The following ZXDC variants were observed in gnomAD, a reference collection of about 807,000 sequenced individuals.
ZXDC encodes the protein zinc finger protein ZXDC.
Under a neutral mutation model 63.6 loss-of-function variants are expected in ZXDC, and 58 were observed. That is an observed-to-expected ratio of 0.91 (90% CI 0.74 to 1.13). The LOEUF (loss-of-function observed/expected upper bound fraction) is 1.13, where lower values mean the gene tolerates loss of function less well. ZXDC is among the 50% of genes most tolerant of loss of function. The pLI, the probability that ZXDC is intolerant of heterozygous loss-of-function variation, is 0.00. For missense variants in ZXDC, 1,133 were observed against 1,148.9 expected (o/e 0.99, Z 0.20); for synonymous variants, 561 against 496.1 (o/e 1.13, Z -1.74).
intron 7 of ZXDC, chr3:126,452,373 C>T (rs1426564250): frequency 7.1e-6 from 7 of 985,420 alleles, no homozygotes; most frequent in South Asian, 4.7e-5. Flanking sequence ...CTTCATCCCA[C>T]GTCTGTCAGC....
chr3:126,449,514 GC>G (rs1934012758), intron 7 of ZXDC, among the ~76,000 whole-genome samples: 1 of 152,270 alleles, frequency 6.6e-6, no homozygotes, highest in African/African-American at 2.4e-5. Context: ...CCAGGCTGCT[GC>G]AGGTGGAGCC....
chr3:126,455,283 T>C (rs1180142984), intron 7 of ZXDC, among the ~76,000 whole-genome samples: 1 of 152,224 alleles, frequency 6.6e-6, no homozygotes, highest in Non-Finnish European at 1.5e-5. Context: ...ATGTAGTAAC[T>C]AGTGGTATTA....
chr3:126,471,859 G>C (rs1020306190), intron 3 of ZXDC, 114 bp downstream of exon 3: 3 of 874,696 alleles, frequency 3.4e-6, no homozygotes, highest in African/African-American at 3.4e-5. Context: ...TCAACACTGA[G>C]CTCCTTTTTT....
At chr3:126,452,656 A>G in intron 7 of ZXDC, 6 of 683,352 alleles carry the variant, frequency 8.8e-6, no homozygotes, top group Non-Finnish European at 1.1e-5. Flanking sequence ...AGAATAGTAC[A>G]TTAAATATAT....
intron 7 of ZXDC, chr3:126,458,730 C>A: frequency 1.0e-6 from 1 of 985,420 alleles, no homozygotes; most frequent in Non-Finnish European, 1.2e-6. Context: ...CCTTCATGAA[C>A]TTTCCTTGGT....
intron 7 of ZXDC, among the ~76,000 whole-genome samples, chr3:126,444,270 C>A (rs543849665): frequency 6.6e-6 from 1 of 152,198 alleles, no homozygotes; most frequent in Admixed American, 6.5e-5. Flanking sequence ...CAGTGGCTCA[C>A]GCCTGTAATC....
rs1933690135 is a variant in ZXDC at position 126,441,808 on chromosome 3, C to T, written c.2351G>A (p.Gly784Glu). Residue 784 changes from glycine (G) to glutamate (E), a missense_variant, in exon 8 of 10, where the codon GGG becomes GAG. Transcript: ENST00000389709. Reference sequence around the variant, plus strand: ...GACGCCCTGCGCCCCGCACTGCACCCCAGCTGCTGGAGCTGGTCCTGGCCG... The same window carrying T: ...GACGCCCTGCGCCCCGCACTGCACCTCAGCTGCTGGAGCTGGTCCTGGCCG... ...GGRPGPAPAAGVQCGAQGVQV... is the reference protein window; with the variant it reads ...GGRPGPAPAAEVQCGAQGVQV... 6.2e-7 allele frequency: 1 copy of T among 1,612,888 alleles called. No individual in the cohort carries two copies.
In ZXDC at chr3:126,475,295, G is replaced by T. The variant is rs1297156408; in HGVS notation, c.571C>A (p.Gln191Lys). 1 of 1,549,770 alleles carries T rather than the reference G, an allele frequency of 6.5e-7. No homozygotes were observed. The highest frequency in any genetic ancestry group is 8.7e-7 in the Non-Finnish European group (1 of 1,146,638). Residue 191 changes from glutamine (Q) to lysine (K), a missense_variant, in exon 1 of 10, where the codon CAG becomes AAG. By Grantham distance (53) the Gln-to-Lys change is moderately conservative (BLOSUM62 1). Transcript: ENST00000389709. ...QCALAFAKKHQLKVHLLTHGG... is the reference protein window; with the variant it reads ...QCALAFAKKHKLKVHLLTHGG... The stretch of plus-strand genomic sequence containing the variant: ...TGCGTGAGCAGGTGCACCTTGAGCT[G>T]GTGCTTCTTGGCGAAGGCCAGCGCG...
At chr3:126,458,441 T>G (rs1934396855) in intron 7 of ZXDC, 1 of 241,224 alleles carries the variant, frequency 4.1e-6, no homozygotes, top group Admixed American at 6.5e-5. Flanking sequence ...TTTCACCATG[T>G]TGGCCAGGCT....
intron 6 of ZXDC, 92 bp downstream of exon 6, chr3:126,461,443 G>A (rs918954532): frequency 4.7e-6 from 7 of 1,475,160 alleles, no homozygotes; most frequent in East Asian, 2.4e-5. Flanking sequence ...AACCAGAAAC[G>A]TCTGCATAGA....
intron 7 of ZXDC, among the ~76,000 whole-genome samples, chr3:126,448,968 C>T (rs1043483849): frequency 3.9e-5 from 6 of 152,154 alleles, no homozygotes; most frequent in African/African-American, 1.4e-4. Flanking sequence ...CCTGGGGAGA[C>T]GGGACGGGGC....
Position 126,471,034 on chromosome 3 carries a change from C to G in ZXDC, c.1140-9G>C, listed in dbSNP as rs1560105678. ...GGTCATCGTCATGTTTCCTGCCAGACAGAAAAATAAAGGAGCTGTGATTCC... is the reference window on the plus strand; with the variant it reads ...GGTCATCGTCATGTTTCCTGCCAGAGAGAAAAATAAAGGAGCTGTGATTCC... On this transcript the variant is annotated splice_polypyrimidine_tract_variant and intron_variant, in intron 3 of 9. Coordinates refer to ENST00000389709, the MANE Select transcript of ZXDC (RefSeq NM_025112.5). 1.2e-6 allele frequency: 2 copies of G among 1,612,162 alleles called. No individual in the cohort carries two copies. Among genetic ancestry groups the G allele is most frequent in the Non-Finnish European group, 1.7e-6 (2 of 1,178,532 alleles).
At chr3:126,453,798 G>A (rs1233285937) in intron 7 of ZXDC, 25 of 978,458 alleles carry the variant, frequency 2.6e-5, no homozygotes, top group East Asian at 1.1e-4. Flanking sequence ...GGGTTCAAGC[G>A]ATTCTCCTGC....
chr3:126,454,379 C>T (rs1934230558), intron 7 of ZXDC: 2 of 985,226 alleles, frequency 2.0e-6, no homozygotes, highest in African/African-American at 3.5e-5. Context: ...GTAGGCTACA[C>T]ATGAACAGCA....
chr3:126,457,705 T>C, intron 7 of ZXDC: 1 of 953,892 alleles, frequency 1.0e-6, no homozygotes, highest in Non-Finnish European at 1.2e-6. Context: ...ATGTCCCAGC[T>C]ATAAGTAAGA....
intron 7 of ZXDC, chr3:126,454,192 A>G: frequency 2.4e-5 from 24 of 981,846 alleles, no homozygotes; most frequent in Non-Finnish European, 2.8e-5. Context: ...CCCATTTTAA[A>G]TATCTTTCAT....
intron 5 of ZXDC, 76 bp downstream of exon 5, chr3:126,466,079 G>A (rs1406120074): frequency 4.6e-6 from 7 of 1,515,208 alleles, no homozygotes; most frequent in African/African-American, 1.4e-5. Context: ...AGGTGAAGAA[G>A]GAACAGACGG....
chr3:126,459,991 G>A, intron 6 of ZXDC: 16 of 985,396 alleles, frequency 1.6e-5, no homozygotes, highest in Non-Finnish European at 1.9e-5. Flanking sequence ...CTAAAACATA[G>A]CCAAATATTT....
intron 8 of ZXDC, chr3:126,441,499 G>C: frequency 2.4e-6 from 3 of 1,236,262 alleles, no homozygotes; most frequent in Non-Finnish European, 3.0e-6. Context: ...CTAGACGCAG[G>C]GCTGTGCACA....
Sources: allele counts gnomAD v4.1 joint callset (sites outside exome capture counted in the v4.1 genomes callset), GRCh38; gene constraint gnomAD v4.1.1; transcripts MANE v1.5; gene names NCBI Gene and HGNC (gene_info 2026-07-23, HGNC 2026-07-21).